The following CHKA variants were observed in gnomAD, a reference collection of about 807,000 sequenced individuals.
CHKA encodes the protein CHETK-alpha.
CHKA carries 34 observed loss-of-function variants against 60.1 expected under a neutral mutation model. The ratio of observed to expected loss-of-function variants is 0.57; its 90% CI spans 0.43 to 0.75. CHKA has a LOEUF of 0.75. CHKA is among the 30% of genes least tolerant of loss of function. CHKA has a pLI of 0.00. For missense variants in CHKA, 563 were observed against 561.3 expected, an observed-to-expected ratio of 1.00 and a Z score of -0.03; for synonymous variants, 217 against 223.1, an observed-to-expected ratio of 0.97 and a Z score of 0.24.
chr11:68,103,933 A>C (rs188825599), intron 1 of CHKA, among the ~76,000 whole-genome samples: 47 of 151,978 alleles, frequency 3.1e-4, no homozygotes, highest in East Asian at 2.9e-3. Flanking sequence ...AAAATAAATA[A>C]ATTAATTAAA....
intron 4 of CHKA, among the ~76,000 whole-genome samples, chr11:68,071,620 A>G (rs1289457515): frequency 1.3e-5 from 2 of 152,248 alleles, no homozygotes; most frequent in African/African-American, 4.8e-5. Flanking sequence ...GCAAAGAAGT[A>G]CAGCACAGGG....
intron 3 of CHKA, among the ~76,000 whole-genome samples, chr11:68,076,869 G>A (rs149672122): frequency 3.3e-5 from 5 of 152,254 alleles, no homozygotes; most frequent in African/African-American, 7.2e-5. Context: ...TTATTCTTAC[G>A]TAATACTGTA....
Position 68,103,981 on chromosome 11 carries a change from G to A in CHKA, c.351-6851C>T, listed in dbSNP as rs550021801. ...TTAAAAATCCAGCAATCCCATTACTGGTAATACATCCAGAGGAAATGAAAT... is the reference window on the plus strand; with the variant it reads ...TTAAAAATCCAGCAATCCCATTACTAGTAATACATCCAGAGGAAATGAAAT... On this transcript the variant is annotated intron_variant, in intron 1 of 11. Coordinates refer to ENST00000265689, the MANE Select transcript of CHKA (RefSeq NM_001277.3). Among the ~76,000 whole-genome samples, 6 of 151,978 alleles carry A rather than the reference G, an allele frequency of 3.9e-5. No individual in the cohort carries two copies. In the East Asian group the frequency reaches 9.6e-4, roughly 24 times the overall value.
intron 11 of CHKA, among the ~76,000 whole-genome samples, chr11:68,054,930 G>A (rs1313189709): frequency 2.6e-5 from 4 of 152,166 alleles, no homozygotes; most frequent in Non-Finnish European, 1.5e-5. Context: ...ATGCAGCCTC[G>A]TGTCTGGCTT....
chr11:68,055,009 C>CCA (rs1855953109), intron 11 of CHKA, among the ~76,000 whole-genome samples: 1 of 152,256 alleles, frequency 6.6e-6, no homozygotes, highest in African/African-American at 2.4e-5. Flanking sequence ...TTTTGCACTG[C>CCA]CGAGTGTTCT....
chr11:68,069,979 C>G (rs911414957), intron 6 of CHKA, among the ~76,000 whole-genome samples: 1 of 152,174 alleles, frequency 6.6e-6, no homozygotes, highest in Non-Finnish European at 1.5e-5. Context: ...ACAAACTGAC[C>G]AGAGGCCACG....
At chr11:68,062,939 G>A (rs934266234) in intron 10 of CHKA, among the ~76,000 whole-genome samples, 1 of 152,074 alleles carries the variant, frequency 6.6e-6, no homozygotes, top group Non-Finnish European at 1.5e-5. Flanking sequence ...GGGCCACAGT[G>A]ACTTAAACAG....
At chr11:68,100,633 A>C (rs1235363588) in intron 1 of CHKA, among the ~76,000 whole-genome samples, 1 of 151,272 alleles carries the variant, frequency 6.6e-6, no homozygotes, top group Non-Finnish European at 1.5e-5. Flanking sequence ...AAATAAATAA[A>C]TACAAGAGCG....
At chr11:68,055,114 C>T (rs750990648) in intron 11 of CHKA, among the ~76,000 whole-genome samples, 4 of 152,162 alleles carry the variant, frequency 2.6e-5, no homozygotes, top group Admixed American at 6.5e-5. Context: ...AGGTGCAGAC[C>T]GGGCGAGGTG....
intron 1 of CHKA, among the ~76,000 whole-genome samples, chr11:68,102,122 A>C (rs1361536082): frequency 6.6e-6 from 1 of 151,764 alleles, no homozygotes; most frequent in Admixed American, 6.6e-5. Context: ...AGAAAAAAAA[A>C]AGTCCATACT....
chr11:68,072,780 C>T (rs1028053159), intron 4 of CHKA, among the ~76,000 whole-genome samples: 1 of 151,958 alleles, frequency 6.6e-6, no homozygotes, highest in Non-Finnish European at 1.5e-5. Context: ...GAGCTTGAAG[C>T]CAGGAGAGTT....
chr11:68,106,428 C>A (rs1478825511), intron 1 of CHKA, among the ~76,000 whole-genome samples: 1 of 151,638 alleles, frequency 6.6e-6, no homozygotes, highest in Admixed American at 6.6e-5. Context: ...GGCATTGAGC[C>A]TGTGGTCCCA....
At chr11:68,074,611 G>C in intron 4 of CHKA, 106 bp downstream of exon 4, 1 of 916,726 alleles carries the variant, frequency 1.1e-6, no homozygotes, top group South Asian at 1.3e-5. Context: ...ACATAGGTGA[G>C]GTTAACAGTG....
chr11:68,074,156 G>A (rs577788868), intron 4 of CHKA, among the ~76,000 whole-genome samples: 1 of 152,292 alleles, frequency 6.6e-6, no homozygotes, highest in Admixed American at 6.5e-5. Context: ...CATTAAAACT[G>A]CCTTGGGACA....
At chr11:68,086,903 G>A (rs537764014) in intron 2 of CHKA, among the ~76,000 whole-genome samples, 3 of 152,072 alleles carry the variant, frequency 2.0e-5, no homozygotes, top group Middle Eastern at 3.2e-3. Flanking sequence ...GGAGAATGGC[G>A]TGAACCCGGG....
At chr11:68,117,431 G>A (rs1858432695) in intron 1 of CHKA, among the ~76,000 whole-genome samples, 1 of 152,352 alleles carries the variant, frequency 6.6e-6, no homozygotes, top group South Asian at 2.1e-4. Flanking sequence ...GCTAACGCCT[G>A]TAATCCCAGC....
chr11:68,121,137 G>A lies in CHKA; in HGVS notation c.41C>T (p.Ser14Leu). 1 of 1,209,966 alleles carries A rather than the reference G, an allele frequency of 8.3e-7. No individual in the cohort carries two copies. The highest frequency in any genetic ancestry group is 2.2e-5 in the South Asian group (1 of 46,304). The allele number at this position is 1,209,966 out of a possible 1,614,324, so 75.0% of individuals were successfully genotyped here. A position where few individuals can be genotyped will look rare whatever the true frequency, so the allele number is the denominator to read the frequency against. ...KFCTGGEAEP[S>L]PLGLLLSCGS... ...GCAGCTCAGCAGCAGCCCGAGCGGC[G>A]AGGGCTCCGCCTCGCCCCCGGTGCA... Residue 14 changes from serine to leucine, a missense_variant, in exon 1 of 12, where the codon TCG becomes TTG. Physicochemically the swap from Ser to Leu is moderately radical, Grantham distance 145. Transcript: ENST00000265689.
At chr11:68,092,328 T>C (rs1175873935) in intron 2 of CHKA, among the ~76,000 whole-genome samples, 2 of 152,222 alleles carry the variant, frequency 1.3e-5, no homozygotes, top group Non-Finnish European at 2.9e-5. Flanking sequence ...TTTGTTGTGA[T>C]AGGAACAAAA....
Position 68,074,956 on chromosome 11 carries a change from A to G in CHKA, c.517-126T>C, listed in dbSNP as rs553219184. 6 of 762,204 alleles carry G rather than the reference A, an allele frequency of 7.9e-6. No individual in the cohort carries two copies. The African/African-American group carries it at 1.0e-4, about 13-fold the overall frequency. The allele number at this position is 762,204 out of a possible 1,614,324, so 47.2% of individuals were successfully genotyped here. The stretch of plus-strand genomic sequence containing the variant: ...ATTCTTTCACGTGGGCACTACTGTT[A>G]TCATCATCCCCATTTTAAATATGAA... On this transcript the variant is annotated intron_variant, in intron 3 of 11. Coordinates refer to ENST00000265689, the MANE Select transcript of CHKA (RefSeq NM_001277.3).
Sources: allele counts gnomAD v4.1 joint callset (sites outside exome capture counted in the v4.1 genomes callset), GRCh38; gene constraint gnomAD v4.1.1; transcripts MANE v1.5; gene names NCBI Gene and HGNC (gene_info 2026-07-23, HGNC 2026-07-21).